KIF21A: variants seen among roughly 807,000 people sequenced by gnomAD.
KIF21A encodes the protein kinesin-like protein KIF21A.
KIF21A carries 114 observed loss-of-function variants against 202.9 expected under a neutral mutation model. The ratio of observed to expected loss-of-function variants is 0.56; its 90% CI spans 0.48 to 0.66. The LOEUF is 0.66. KIF21A is among the 30% of genes least tolerant of loss of function. KIF21A has a pLI of 0.00. For missense variants in KIF21A, 1,677 were observed against 1,994.9 expected, an observed-to-expected ratio of 0.84 and a Z score of 3.04; for synonymous variants, 667 against 670.8, an observed-to-expected ratio of 0.99 and a Z score of 0.09.
chr12:39,315,380 A>G, intron 30 of KIF21A, 140 bp from the exon 31 acceptor site: 1 of 721,916 alleles, frequency 1.4e-6, no homozygotes, highest in South Asian at 1.7e-5. Context: ...AATCCATAAA[A>G]TGAAAAAAAA....
chr12:39,386,870 GA>G (rs1950979603), intron 1 of KIF21A, among the ~76,000 whole-genome samples: 2 of 152,040 alleles, frequency 1.3e-5, no homozygotes, highest in Admixed American at 1.3e-4. Context: ...AGGTTCAGAA[GA>G]CACAACCTAA....
At chr12:39,429,843 TAGAA>T (rs1566355033) in intron 1 of KIF21A, among the ~76,000 whole-genome samples, 2 of 151,144 alleles carry the variant, frequency 1.3e-5, no homozygotes, top group African/African-American at 2.4e-5. Context: ...AAACAGCAGA[TAGAA>T]GGAGGAGAAA....
At chr12:39,360,003 G>T (rs1194166629) in intron 7 of KIF21A, among the ~76,000 whole-genome samples, 1 of 152,032 alleles carries the variant, frequency 6.6e-6, no homozygotes, top group African/African-American at 2.4e-5. Flanking sequence ...ACCACAAATT[G>T]GAAAGAAGGG....
In KIF21A at chr12:39,311,457, A is replaced by G; in HGVS notation, c.4056T>C (p.Cys1352=). ...IAEGHTKAVL[C]VDSTDDLLFT... ...AGAGGAGATCATCAGTAGAATCCACACAGAGCACAGCTTTTGTATGCCCTT... is the reference window on the plus strand; with the variant it reads ...AGAGGAGATCATCAGTAGAATCCACGCAGAGCACAGCTTTTGTATGCCCTT... Residue 1352 remains cysteine (C), a synonymous_variant, in exon 32 of 38, where the codon TGT becomes TGC. Transcript: ENST00000361418. 1 of 1,613,250 alleles carries G rather than the reference A, an allele frequency of 6.2e-7. No homozygotes were observed. The highest frequency in any genetic ancestry group is 1.1e-5 in the South Asian group (1 of 91,084).
chr12:39,359,211 C>G (rs1311032350), intron 7 of KIF21A, among the ~76,000 whole-genome samples: 1 of 152,036 alleles, frequency 6.6e-6, no homozygotes, highest in Non-Finnish European at 1.5e-5. Flanking sequence ...TCGTAGGTAC[C>G]CCTTGTCCCA....
At chr12:39,302,850 G>T in intron 36 of KIF21A, 115 bp downstream of exon 36, 1 of 938,826 alleles carries the variant, frequency 1.1e-6, no homozygotes, top group Non-Finnish European at 1.7e-6. Context: ...AAAAAGGCCT[G>T]ATTAATATTA....
At chr12:39,403,190 T>C (rs910439922) in intron 1 of KIF21A, among the ~76,000 whole-genome samples, 1 of 152,114 alleles carries the variant, frequency 6.6e-6, no homozygotes, top group African/African-American at 2.4e-5. Flanking sequence ...CATCAAACCC[T>C]TGAACACCTG....
At chr12:39,414,993 T>C in intron 1 of KIF21A, among the ~76,000 whole-genome samples, 1 of 149,292 alleles carries the variant, frequency 6.7e-6, no homozygotes, top group Middle Eastern at 3.5e-3. Context: ...AAAATCAGCC[T>C]AGGACTGGGA....
chr12:39,300,248 A>T (rs544058984), intron 37 of KIF21A, among the ~76,000 whole-genome samples: 1 of 152,216 alleles, frequency 6.6e-6, no homozygotes, highest in Non-Finnish European at 1.5e-5. Context: ...CCCACAGCCA[A>T]TGTGGGATAT....
At chr12:39,440,708 G>A (rs1412555503) in intron 1 of KIF21A, among the ~76,000 whole-genome samples, 17 of 152,220 alleles carry the variant, frequency 1.1e-4, no homozygotes, top group Admixed American at 1.1e-3. Context: ...GCTCTGTTCA[G>A]AGAACAATGT....
Position 39,346,476 on chromosome 12 carries a change from C to A in KIF21A, c.1702G>T (p.Glu568Ter). 6.8e-7 allele frequency: 1 copy of A among 1,476,986 alleles called. No individual in the cohort carries two copies. 91.5% of individuals were successfully genotyped at this position (1,476,986 alleles called of 1,614,324 possible). The change falls in exon 12 of 38, where the codon GAA (glutamate) becomes TAA (stop). Residue 568 changes from glutamate to a stop codon, truncating the protein, a stop_gained. Coordinates refer to ENST00000361418, the MANE Select transcript of KIF21A (RefSeq NM_001173464.2). LOFTEE classifies it high-confidence loss of function. Reference protein sequence around the residue: ...RLQKLEESNREERSVAGKEDN... With the variant: ...RLQKLEESNR ...GGGAAATATTCCAACCTTCTTTCTT[C>A]TCGATTGCTTTCCTCAAGTTTCTGT...
At chr12:39,441,675 A>AAAAAAAAAAAAAAAAAAAAAAAAAAAT (rs1258635406) in intron 1 of KIF21A, among the ~76,000 whole-genome samples, 1 of 148,336 alleles carries the variant, frequency 6.7e-6, no homozygotes, top group Non-Finnish European at 1.5e-5. Context: ...AAAAAAAAAA[A>AAAAAAAAAAAAAAAAAAAAAAAAAAAT]AAAAACACTT....
chr12:39,364,305 A>C (rs2139043938), intron 6 of KIF21A, among the ~76,000 whole-genome samples: 1 of 152,340 alleles, frequency 6.6e-6, no homozygotes, highest in Admixed American at 6.5e-5. Flanking sequence ...TGTCATAAGC[A>C]ATGGTAATAC....
intron 28 of KIF21A, among the ~76,000 whole-genome samples, chr12:39,318,649 C>G (rs956558562): frequency 2.2e-4 from 34 of 152,102 alleles, no homozygotes; most frequent in African/African-American, 8.2e-4. Flanking sequence ...TAGACACAGG[C>G]AAACTACATC....
intron 7 of KIF21A, among the ~76,000 whole-genome samples, chr12:39,358,666 T>C (rs1948978702): frequency 6.6e-6 from 1 of 152,228 alleles, no homozygotes; most frequent in Non-Finnish European, 1.5e-5. Flanking sequence ...ATTCTAAAAT[T>C]AAACTGACTA....
At chr12:39,329,687 G>A (rs1946330806) in intron 24 of KIF21A, among the ~76,000 whole-genome samples, 1 of 152,138 alleles carries the variant, frequency 6.6e-6, no homozygotes, top group African/African-American at 2.4e-5. Context: ...ATGCAAAAGT[G>A]CTAGTTATAA....
intron 1 of KIF21A, among the ~76,000 whole-genome samples, chr12:39,408,727 T>G (rs1187615536): frequency 3.3e-5 from 5 of 151,914 alleles, no homozygotes; most frequent in Non-Finnish European, 7.4e-5. Context: ...AAGGGAGAAG[T>G]GGGATGCTCT....
chr12:39,330,501 C>T (rs894011941), intron 23 of KIF21A, among the ~76,000 whole-genome samples: 5 of 152,088 alleles, frequency 3.3e-5, no homozygotes, highest in African/African-American at 4.8e-5. Flanking sequence ...GTCTTCTTTG[C>T]CCATAAAAAC....
intron 36 of KIF21A, among the ~76,000 whole-genome samples, chr12:39,302,295 G>A (rs1943036299): frequency 6.6e-6 from 1 of 151,766 alleles, no homozygotes; most frequent in South Asian, 2.1e-4. Flanking sequence ...TGCATCTATT[G>A]CCAAGATTTT....
Sources: allele counts gnomAD v4.1 joint callset (sites outside exome capture counted in the v4.1 genomes callset), GRCh38; gene constraint gnomAD v4.1.1; transcripts MANE v1.5; gene names NCBI Gene and HGNC (gene_info 2026-07-23, HGNC 2026-07-21).